KAZN: variants seen among roughly 807,000 people sequenced by gnomAD.
KAZN encodes the protein kazrin.
KAZN carries 40 observed loss-of-function variants against 87.4 expected under a neutral mutation model. The ratio of observed to expected loss-of-function variants is 0.46; its 90% CI spans 0.36 to 0.60. The LOEUF is 0.60. KAZN is among the 20% of genes least tolerant of loss of function. KAZN has a pLI of 0.00. For missense variants in KAZN, 898 were observed against 1,073.9 expected (o/e 0.84, Z 2.29); for synonymous variants, 466 against 458.3 (o/e 1.02, Z -0.22).
chr1:14,710,415 C>T (rs1369036724), intron 1 of KAZN, among the ~76,000 whole-genome samples: 1 of 152,154 alleles, frequency 6.6e-6, no homozygotes, highest in Non-Finnish European at 1.5e-5. Context: ...GAGAAAAGGC[C>T]GATGTCCTAC....
intron 1 of KAZN, among the ~76,000 whole-genome samples, chr1:14,110,534 A>G (rs1035974629): frequency 6.6e-6 from 1 of 152,206 alleles, no homozygotes; most frequent in South Asian, 2.1e-4. Flanking sequence ...ATCATTTTGT[A>G]GTTTTTTGAC....
At chr1:15,006,035 A>G (rs1485695722) in intron 2 of KAZN, among the ~76,000 whole-genome samples, 2 of 151,932 alleles carry the variant, frequency 1.3e-5, no homozygotes, top group Non-Finnish European at 2.9e-5. Flanking sequence ...TGAGCCTTGA[A>G]CCCTGGGACT....
chr1:14,253,679 C>G (rs1179557249), intron 2 of KAZN, among the ~76,000 whole-genome samples: 1 of 152,050 alleles, frequency 6.6e-6, no homozygotes, highest in African/African-American at 2.4e-5. Context: ...AAGGCTGCCT[C>G]TTTGCCTCCA....
chr1:14,377,757 T>C (rs925411951), intron 2 of KAZN, among the ~76,000 whole-genome samples: 1 of 152,232 alleles, frequency 6.6e-6, no homozygotes, highest in Non-Finnish European at 1.5e-5. Flanking sequence ...AGTGATGACC[T>C]ACCTTGTTTG....
At chr1:14,380,666 A>C (rs918502987) in intron 2 of KAZN, among the ~76,000 whole-genome samples, 1 of 152,164 alleles carries the variant, frequency 6.6e-6, no homozygotes, top group African/African-American at 2.4e-5. Flanking sequence ...GAAAATACAC[A>C]GTCAGAGGAA....
In KAZN at chr1:14,297,882, C is replaced by A. The variant is rs191781986; in HGVS notation, c.249+117290C>A. Among the ~76,000 whole-genome samples, 21 of 152,234 alleles carry A rather than the reference C, an allele frequency of 1.4e-4. No homozygotes were observed. In the East Asian group the frequency reaches 3.7e-3, roughly 27 times the overall value. ...GGGACATCAAGAGTAGGAGTTGCTG[C>A]CCTGGATGGCAGATTCAAATGGCCA... On this transcript the variant is annotated intron_variant, in intron 2 of 16. Transcript: ENST00000636203.
intron 2 of KAZN, among the ~76,000 whole-genome samples, chr1:14,999,880 C>G (rs1489480951): frequency 6.6e-6 from 1 of 152,188 alleles, no homozygotes; most frequent in Non-Finnish European, 1.5e-5. Flanking sequence ...TGACTTCTTC[C>G]CGCCTGCTGG....
At chr1:14,686,281 T>A (rs1243356022) in intron 1 of KAZN, among the ~76,000 whole-genome samples, 1 of 152,146 alleles carries the variant, frequency 6.6e-6, no homozygotes, top group Non-Finnish European at 1.5e-5. Flanking sequence ...GCCAGGATGG[T>A]CTCTGTCTCT....
intron 2 of KAZN, among the ~76,000 whole-genome samples, chr1:14,398,229 G>T (rs529253273): frequency 6.6e-6 from 1 of 152,202 alleles, no homozygotes; most frequent in Non-Finnish European, 1.5e-5. Context: ...TATGGCTACC[G>T]AATAGTCACT....
chr1:14,473,213 G>A (rs1370461884), intron 2 of KAZN, among the ~76,000 whole-genome samples: 1 of 151,822 alleles, frequency 6.6e-6, no homozygotes, highest in Admixed American at 6.6e-5. Context: ...TAGAATTTCA[G>A]ATTAACAACA....
chr1:14,802,309 C>A (rs2100744454), intron 1 of KAZN, among the ~76,000 whole-genome samples: 1 of 150,440 alleles, frequency 6.6e-6, no homozygotes, highest in Non-Finnish European at 1.5e-5. Flanking sequence ...GAGGATGAGG[C>A]AAGAGAACTG....
intron 1 of KAZN, among the ~76,000 whole-genome samples, chr1:14,890,304 C>T (rs1341237247): frequency 1.3e-5 from 2 of 152,180 alleles, no homozygotes; most frequent in African/African-American, 4.8e-5. Context: ...GGTTTCTCAG[C>T]TGTGTGCAAA....
intron 2 of KAZN, among the ~76,000 whole-genome samples, chr1:14,503,177 AG>A (rs1346129309): frequency 1.3e-5 from 2 of 151,832 alleles, no homozygotes; most frequent in East Asian, 3.9e-4. Flanking sequence ...AATCTCAGAG[AG>A]GTATTATTAA....
chr1:14,524,699 T>G (rs773483038), intron 2 of KAZN, among the ~76,000 whole-genome samples: 1 of 152,126 alleles, frequency 6.6e-6, no homozygotes, highest in Non-Finnish European at 1.5e-5. Context: ...GCAAACTTCA[T>G]GTATATTAAA....
chr1:14,180,206 G>A (rs1189122210), intron 1 of KAZN, among the ~76,000 whole-genome samples: 6 of 151,970 alleles, frequency 3.9e-5, no homozygotes, highest in African/African-American at 1.5e-4. Context: ...GCTCACAAGT[G>A]TATCCCCAAG....
intron 1 of KAZN, among the ~76,000 whole-genome samples, chr1:14,724,751 G>A (rs181320362): frequency 1.3e-4 from 20 of 152,308 alleles, no homozygotes; most frequent in Admixed American, 7.2e-4. Context: ...GGGTTGCCCC[G>A]TTGGCTTTGA....
At chr1:14,857,642 A>G (rs1650292308) in intron 1 of KAZN, among the ~76,000 whole-genome samples, 1 of 152,180 alleles carries the variant, frequency 6.6e-6, no homozygotes, top group Non-Finnish European at 1.5e-5. Flanking sequence ...CCGCTGGCTC[A>G]TTAGAATTTC....
chr1:14,834,002 C>T (rs867849034), intron 1 of KAZN, among the ~76,000 whole-genome samples: 1 of 142,324 alleles, frequency 7.0e-6, no homozygotes, highest in Non-Finnish European at 1.6e-5. Context: ...CACACACACA[C>T]ACACACATAC....
intron 2 of KAZN, among the ~76,000 whole-genome samples, chr1:14,528,037 A>G (rs970974171): frequency 2.0e-5 from 3 of 151,538 alleles, no homozygotes; most frequent in Admixed American, 6.6e-5. Flanking sequence ...CTATCTATCT[A>G]TCTATCTATC....
Sources: allele counts gnomAD v4.1 joint callset (sites outside exome capture counted in the v4.1 genomes callset), GRCh38; gene constraint gnomAD v4.1.1; transcripts MANE v1.5; gene names NCBI Gene and HGNC (gene_info 2026-07-23, HGNC 2026-07-21).